ADAMTS17: variants seen among roughly 807,000 people sequenced by gnomAD.
The protein encoded by ADAMTS17 is A disintegrin and metalloproteinase with thrombospondin motifs 17.
ADAMTS17 carries 113 observed loss-of-function variants against 141.5 expected under a neutral mutation model. The ratio of observed to expected loss-of-function variants is 0.80; its 90% CI spans 0.69 to 0.93. The LOEUF is 0.93. Ranked by LOEUF, ADAMTS17 falls within the 40% of genes least tolerant of loss-of-function variation. The pLI is 0.00. For synonymous variants in ADAMTS17, 768 were observed against 630.6 expected (o/e 1.22, Z -3.27); for missense variants, 1,659 against 1,517.9 (o/e 1.09, Z -1.54).
intron 7 of ADAMTS17, among the ~76,000 whole-genome samples, chr15:100,204,908 C>T (rs540556592): frequency 1.3e-5 from 2 of 152,292 alleles, no homozygotes; most frequent in African/African-American, 2.4e-5. Flanking sequence ...CCAGACTTTC[C>T]CCTTGGCAAT....
chr15:99,982,874 C>G (rs1490072282), intron 20 of ADAMTS17, among the ~76,000 whole-genome samples: 1 of 152,198 alleles, frequency 6.6e-6, no homozygotes, highest in East Asian at 1.9e-4. Flanking sequence ...GGTGGAGAGG[C>G]AGCCTCTGCA....
chr15:100,074,695 G>T (rs553777366), intron 15 of ADAMTS17, among the ~76,000 whole-genome samples: 1 of 151,922 alleles, frequency 6.6e-6, no homozygotes, highest in Non-Finnish European at 1.5e-5. Context: ...TGCTTCCTTT[G>T]TTGGATTCGG....
At chr15:100,013,437 G>C (rs1451453243) in intron 18 of ADAMTS17, among the ~76,000 whole-genome samples, 1 of 152,156 alleles carries the variant, frequency 6.6e-6, no homozygotes, top group African/African-American at 2.4e-5. Flanking sequence ...GAGGAGTAGT[G>C]AGAGTGGGCA....
intron 18 of ADAMTS17, among the ~76,000 whole-genome samples, chr15:100,006,046 T>C (rs547136028): frequency 4.6e-5 from 7 of 152,224 alleles, no homozygotes; most frequent in Admixed American, 3.3e-4. Flanking sequence ...TAAGGATACC[T>C]GTCATATCAG....
intron 18 of ADAMTS17, among the ~76,000 whole-genome samples, chr15:100,017,962 G>C (rs759968579): frequency 2.0e-5 from 3 of 152,174 alleles, no homozygotes; most frequent in Non-Finnish European, 2.9e-5. Context: ...GTACAGTTCA[G>C]TGACATTAAG....
intron 8 of ADAMTS17, among the ~76,000 whole-genome samples, chr15:100,160,128 C>T (rs973423565): frequency 1.3e-5 from 2 of 152,186 alleles, no homozygotes; most frequent in Non-Finnish European, 2.9e-5. Context: ...CAAATGGATA[C>T]AGCATTATCT....
intron 3 of ADAMTS17, chr15:100,306,310 G>A (rs920096152): frequency 2.7e-6 from 1 of 364,990 alleles, no homozygotes. Context: ...TGATGCTCTA[G>A]GATTTCTGAG....
At chr15:100,303,513 C>T (rs954436894) in intron 3 of ADAMTS17, among the ~76,000 whole-genome samples, 2 of 151,946 alleles carry the variant, frequency 1.3e-5, no homozygotes, top group East Asian at 1.9e-4. Context: ...CTTTGGGTAC[C>T]GTATGTAAGA....
At chr15:100,340,874 G>C in intron 2 of ADAMTS17, 165 bp downstream of exon 2, 1 of 1,127,732 alleles carries the variant, frequency 8.9e-7, no homozygotes, top group Non-Finnish European at 1.2e-6. Flanking sequence ...AGAGGGTACC[G>C]AAGGCCGGGG....
intron 18 of ADAMTS17, among the ~76,000 whole-genome samples, chr15:100,036,479 A>T (rs190393037): frequency 6.6e-6 from 1 of 152,182 alleles, no homozygotes; most frequent in Non-Finnish European, 1.5e-5. Flanking sequence ...AAGTCCCGAG[A>T]TATCGTGAGC....
intron 20 of ADAMTS17, among the ~76,000 whole-genome samples, chr15:99,989,143 C>G (rs755251803): frequency 6.6e-6 from 1 of 152,106 alleles, no homozygotes; most frequent in East Asian, 1.9e-4. Context: ...TGGACTCTGC[C>G]GGGGGGTGTG....
At chr15:100,176,983 T>C (rs956509019) in intron 8 of ADAMTS17, among the ~76,000 whole-genome samples, 8 of 152,248 alleles carry the variant, frequency 5.3e-5, no homozygotes, top group African/African-American at 1.9e-4. Context: ...TTGCATGATA[T>C]GACTGTACCA....
At chr15:100,112,818 T>G (rs1365702291) in intron 13 of ADAMTS17, among the ~76,000 whole-genome samples, 1 of 151,920 alleles carries the variant, frequency 6.6e-6, no homozygotes, top group East Asian at 1.9e-4. Context: ...CTGGAGGTGG[T>G]CACAGGCAGG....
Position 99,978,193 on chromosome 15 carries a change from C to T in ADAMTS17, c.2950-1971G>A, listed in dbSNP as rs970195722. Among the ~76,000 whole-genome samples, 3 of 152,132 alleles carry T rather than the reference C, an allele frequency of 2.0e-5. No individual in the cohort carries two copies. The South Asian group carries it at 6.2e-4, about 32-fold the overall frequency. ...CTCCAGACACAGGCTGCGTGGGAGG[C>T]GGTGGTGTCCCATCTGTGCCTGGGA... On this transcript the variant is annotated intron_variant, in intron 20 of 21. Coordinates refer to ENST00000268070, the MANE Select transcript of ADAMTS17 (RefSeq NM_139057.4).
chr15:100,026,981 C>A (rs2061526721), intron 18 of ADAMTS17, among the ~76,000 whole-genome samples: 1 of 152,232 alleles, frequency 6.6e-6, no homozygotes, highest in Non-Finnish European at 1.5e-5. Context: ...TTTTCTATTT[C>A]AATCAGTCTA....
At chr15:100,110,276 T>A (rs556061823) in intron 13 of ADAMTS17, among the ~76,000 whole-genome samples, 1 of 82,246 alleles carries the variant, frequency 1.2e-5, no homozygotes, top group Admixed American at 1.3e-4. Flanking sequence ...TATATATATA[T>A]TTTTTTGAGA....
rs1033593913 is a variant in ADAMTS17, at chr15:100,135,484, C to T, written c.1474-2169G>A. Among the ~76,000 whole-genome samples, 11 of 152,092 alleles carry T rather than the reference C, an allele frequency of 7.2e-5. No homozygotes were observed. In the East Asian group the frequency reaches 1.4e-3, roughly 19 times the overall value. ...ATTTTTAGTAGAGACGGGGTTTCAG[C>T]GTGTTAGCCAGGATGGTCTCAATCT... On this transcript the variant is annotated intron_variant, in intron 10 of 21. Transcript: ENST00000268070.
intron 8 of ADAMTS17, among the ~76,000 whole-genome samples, chr15:100,177,983 GT>G (rs1207111172): frequency 6.7e-6 from 1 of 150,296 alleles, no homozygotes; most frequent in Non-Finnish European, 1.5e-5. Context: ...AGCGATTCCT[GT>G]TTTTTTCCCA....
At chr15:100,262,036 T>C (rs181359562) in intron 5 of ADAMTS17, among the ~76,000 whole-genome samples, 220 of 152,206 alleles carry the variant, frequency 1.4e-3, no homozygotes, top group African/African-American at 4.6e-3. Context: ...AGCTCTAATG[T>C]AGTTTCAGAA....
Sources: gnomAD v4.1 joint callset for allele counts (sites outside exome capture counted in the v4.1 genomes callset) on GRCh38, gnomAD v4.1.1 for gene constraint, MANE v1.5 for transcripts, NCBI Gene and HGNC (gene_info 2026-07-23, HGNC 2026-07-21) for gene names.